Variants in PDE4D observed in about 807,000 individuals in gnomAD.
PDE4D encodes phosphodiesterase 4D.
A neutral mutation model predicts 87.4 loss-of-function variants in PDE4D; 24 were observed. That is an observed-to-expected ratio of 0.27 (90% CI 0.20 to 0.39). PDE4D has a LOEUF of 0.39. Ranked by LOEUF, PDE4D falls within the 10% of genes least tolerant of loss-of-function variation. PDE4D has a pLI of 1.00. For missense variants in PDE4D, 714 were observed against 1,041.0 expected, an observed-to-expected ratio of 0.69 and a Z score of 4.32; for synonymous variants, 384 against 383.2, an observed-to-expected ratio of 1.00 and a Z score of -0.02.
chr5:60,105,740 G>A (rs950556388), intron 2 of PDE4D, among the ~76,000 whole-genome samples: 2 of 152,114 alleles, frequency 1.3e-5, no homozygotes, highest in Non-Finnish European at 2.9e-5. Context: ...TTTCAACCCA[G>A]AATTTCATAT....
At chr5:60,102,653 T>C (rs879599620) in intron 2 of PDE4D, among the ~76,000 whole-genome samples, 15 of 152,034 alleles carry the variant, frequency 9.9e-5, no homozygotes, top group Admixed American at 8.5e-4. Flanking sequence ...CAGAGACTTA[T>C]CAAAAAGAAA....
intron 1 of PDE4D, among the ~76,000 whole-genome samples, chr5:59,528,325 C>T (rs1813537786): frequency 6.6e-6 from 1 of 152,042 alleles, no homozygotes; most frequent in Non-Finnish European, 1.5e-5. Flanking sequence ...GGAAGGACAG[C>T]TAAGAGAATG....
intron 1 of PDE4D, among the ~76,000 whole-genome samples, chr5:59,302,676 A>G (rs1412683212): frequency 2.0e-5 from 3 of 152,142 alleles, no homozygotes; most frequent in Admixed American, 6.5e-5. Context: ...ATAGTCTCCA[A>G]TCTCATCCAG....
intron 2 of PDE4D, among the ~76,000 whole-genome samples, chr5:60,064,182 GT>G (rs1242335486): frequency 1.3e-5 from 2 of 151,830 alleles, no homozygotes; most frequent in East Asian, 1.9e-4. Flanking sequence ...TTTTTTAAAA[GT>G]TTTTATCCAT....
rs377589627 is a variant in PDE4D, at chr5:59,672,058, A to C, written c.455+221110T>G. On this transcript the variant is annotated intron_variant, in intron 1 of 14. Transcript: ENST00000340635. ...ACTCTTGAAGATGAGATATTCATGGACCCTCCCTAAATCTTGGAAAGTCTT... is the reference window on the plus strand; with the variant it reads ...ACTCTTGAAGATGAGATATTCATGGCCCCTCCCTAAATCTTGGAAAGTCTT... Among the ~76,000 whole-genome samples, 6 of 152,144 alleles carry C rather than the reference A, an allele frequency of 3.9e-5. No homozygotes were observed. In the East Asian group the frequency reaches 9.7e-4, roughly 25 times the overall value.
chr5:60,380,439 C>T (rs1438835942), intron 1 of PDE4D, among the ~76,000 whole-genome samples: 1 of 152,166 alleles, frequency 6.6e-6, no homozygotes, highest in Non-Finnish European at 1.5e-5. Context: ...ATAGTATATG[C>T]ACCACTTTCA....
intron 3 of PDE4D, among the ~76,000 whole-genome samples, chr5:59,923,257 G>A (rs1380620213): frequency 1.3e-5 from 2 of 152,166 alleles, no homozygotes; most frequent in African/African-American, 4.8e-5. Flanking sequence ...TGGCATCTCT[G>A]GATTCTCCTA....
chr5:60,204,192 A>C (rs560656551), intron 1 of PDE4D, among the ~76,000 whole-genome samples: 1 of 152,176 alleles, frequency 6.6e-6, no homozygotes, highest in Non-Finnish European at 1.5e-5. Flanking sequence ...CTGTCTATCT[A>C]TCTATCTAGC....
chr5:59,708,909 T>C (rs1156829784), intron 1 of PDE4D, among the ~76,000 whole-genome samples: 1 of 151,768 alleles, frequency 6.6e-6, no homozygotes, highest in Admixed American at 6.6e-5. Flanking sequence ...ATCTGGCTTT[T>C]TTTTTTTTTT....
intron 1 of PDE4D, among the ~76,000 whole-genome samples, chr5:59,251,913 A>T (rs1456782203): frequency 2.0e-5 from 3 of 151,496 alleles, no homozygotes; most frequent in Non-Finnish European, 4.4e-5. Context: ...TAGCAAATTA[A>T]CACAGAAACA....
intron 5 of PDE4D, among the ~76,000 whole-genome samples, chr5:59,081,556 C>G (rs986884097): frequency 6.9e-5 from 10 of 145,506 alleles, no homozygotes; most frequent in African/African-American, 2.5e-4. Flanking sequence ...TGTTACCTGA[C>G]CTATCTCTTA....
At chr5:59,478,386 TAA>T (rs2153655075) in intron 1 of PDE4D, among the ~76,000 whole-genome samples, 1 of 152,240 alleles carries the variant, frequency 6.6e-6, no homozygotes, top group South Asian at 2.1e-4. Context: ...AGATAGATTG[TAA>T]ACATCTAGAC....
intron 1 of PDE4D, among the ~76,000 whole-genome samples, chr5:60,260,699 A>G (rs1749560191): frequency 6.6e-6 from 1 of 152,108 alleles, no homozygotes; most frequent in South Asian, 2.1e-4. Flanking sequence ...CGCTGTTTAT[A>G]TAAAGTTGAT....
chr5:60,498,198 A>ACAC, intron 1 of PDE4D, among the ~76,000 whole-genome samples: 1 of 148,222 alleles, frequency 6.7e-6, no homozygotes, highest in Admixed American at 6.7e-5. Context: ...ACACACACAC[A>ACAC]ATTTTCCATG....
intron 1 of PDE4D, among the ~76,000 whole-genome samples, chr5:60,283,610 G>A (rs200501918): frequency 2.6e-5 from 4 of 152,138 alleles, no homozygotes; most frequent in South Asian, 4.1e-4. Context: ...CAATTACTGC[G>A]AAGTTACATA....
intron 5 of PDE4D, among the ~76,000 whole-genome samples, chr5:59,090,196 T>C (rs551344415): frequency 6.6e-6 from 1 of 152,272 alleles, no homozygotes; most frequent in South Asian, 2.1e-4. Flanking sequence ...CATATAAAGT[T>C]TCATCATATC....
intron 1 of PDE4D, among the ~76,000 whole-genome samples, chr5:59,545,133 T>G (rs1817046134): frequency 6.6e-6 from 1 of 152,206 alleles, no homozygotes; most frequent in Admixed American, 6.5e-5. Context: ...TTTATTATTT[T>G]GTGGGGTAAC....
At chr5:59,797,866 T>G (rs1766667557) in intron 1 of PDE4D, among the ~76,000 whole-genome samples, 1 of 152,176 alleles carries the variant, frequency 6.6e-6, no homozygotes, top group Non-Finnish European at 1.5e-5. Context: ...GAATTCCTTT[T>G]TGCAAGTAGG....
At chr5:59,722,077 A>G (rs1755911038) in intron 1 of PDE4D, among the ~76,000 whole-genome samples, 1 of 152,180 alleles carries the variant, frequency 6.6e-6, no homozygotes, top group Admixed American at 6.6e-5. Flanking sequence ...ACAAAACAGC[A>G]GAAGACACTA....
Sources: gnomAD v4.1 joint callset for allele counts (sites outside exome capture counted in the v4.1 genomes callset) on GRCh38, gnomAD v4.1.1 for gene constraint, MANE v1.5 for transcripts, NCBI Gene and HGNC (gene_info 2026-07-23, HGNC 2026-07-21) for gene names.